The following ESRRG variants were observed in gnomAD, a reference collection of about 807,000 sequenced individuals.
The protein encoded by ESRRG is estrogen-related receptor gamma.
A neutral mutation model predicts 44.0 loss-of-function variants in ESRRG; 13 were observed. The observed-to-expected ratio is 0.30, with a 90% confidence interval of 0.19 to 0.47. ESRRG has a LOEUF of 0.47. Among genes scored for constraint, ESRRG ranks in the 20% least tolerant of loss-of-function variants. The pLI is 1.00. For synonymous variants in ESRRG, 215 were observed against 214.6 expected, an observed-to-expected ratio of 1.00 and a Z score of -0.02; for missense variants, 395 against 580.6, an observed-to-expected ratio of 0.68 and a Z score of 3.29.
chr1:216,530,406 G>C (rs1219055706), intron 5 of ESRRG, among the ~76,000 whole-genome samples: 1 of 151,988 alleles, frequency 6.6e-6, no homozygotes, highest in Non-Finnish European at 1.5e-5. Context: ...GTCTGATTTT[G>C]GATTAAACAC....
At chr1:216,719,292 C>T (rs2152048055) in intron 1 of ESRRG, among the ~76,000 whole-genome samples, 1 of 152,006 alleles carries the variant, frequency 6.6e-6, no homozygotes, top group African/African-American at 2.4e-5. Flanking sequence ...AAATTAATTG[C>T]AAAAGTATGG....
intron 1 of ESRRG, among the ~76,000 whole-genome samples, chr1:217,122,081 C>G (rs1180961215): frequency 6.6e-6 from 1 of 152,182 alleles, no homozygotes; most frequent in African/African-American, 2.4e-5. Context: ...AGCAGATGGG[C>G]CAGATCAATC....
chr1:216,789,977 A>G (rs899119805), intron 2 of ESRRG, among the ~76,000 whole-genome samples: 1 of 152,168 alleles, frequency 6.6e-6, no homozygotes, highest in Admixed American at 6.5e-5. Context: ...CCAATGAATT[A>G]TGAGCAAAAG....
At chr1:216,886,305 C>T (rs1391313450) in intron 2 of ESRRG, among the ~76,000 whole-genome samples, 1 of 152,186 alleles carries the variant, frequency 6.6e-6, no homozygotes, top group Non-Finnish European at 1.5e-5. Context: ...CTGACCAGAG[C>T]TTAAAACAAT....
chr1:216,748,809 G>A (rs1307517438), intron 2 of ESRRG, among the ~76,000 whole-genome samples: 1 of 152,130 alleles, frequency 6.6e-6, no homozygotes, highest in Non-Finnish European at 1.5e-5. Context: ...TCTGAGTGCA[G>A]TGGTTGTCTC....
intron 1 of ESRRG, among the ~76,000 whole-genome samples, chr1:216,716,980 G>A (rs923224931): frequency 1.3e-5 from 2 of 151,702 alleles, no homozygotes; most frequent in Admixed American, 1.3e-4. Context: ...TCATTGTTTT[G>A]CCTCAGTAAG....
chr1:216,949,791 G>A (rs936769692), intron 1 of ESRRG, among the ~76,000 whole-genome samples: 8 of 151,886 alleles, frequency 5.3e-5, no homozygotes, highest in African/African-American at 1.9e-4. Context: ...GTTTAGGGAG[G>A]GGAAAGAACT....
intron 5 of ESRRG, among the ~76,000 whole-genome samples, chr1:216,557,532 A>C (rs113358171): frequency 6.2e-4 from 95 of 152,332 alleles, no homozygotes; most frequent in African/African-American, 2.2e-3. Context: ...AGGTTTACTC[A>C]TCTATAAAGT....
Position 217,038,636 on chromosome 1 carries a change from G to A in ESRRG, c.-106+50871C>T, listed in dbSNP as rs189914455. Among the ~76,000 whole-genome samples, 512 of 152,318 alleles carry A rather than the reference G, an allele frequency of 3.4e-3. 3 individuals are homozygous for A. The highest frequency in any genetic ancestry group is 0.012 in the African/African-American group (482 of 41,576). ...GTCCCTAGGCTGCATAGAGCAGGGGGTTCCCTAGGCTCAGGCCAGGAAGCC... is the reference window on the plus strand; with the variant it reads ...GTCCCTAGGCTGCATAGAGCAGGGGATTCCCTAGGCTCAGGCCAGGAAGCC... On this transcript the variant is annotated intron_variant, in intron 1 of 7. Coordinates refer to the ESRRG transcript ENST00000359162.
At chr1:216,779,540 T>TTATAAATATAAATATAAA (rs2093841791) in intron 2 of ESRRG, among the ~76,000 whole-genome samples, 1 of 78,878 alleles carries the variant, frequency 1.3e-5, no homozygotes, top group African/African-American at 6.2e-5. Context: ...ATATTTATAT[T>TTATAAATATAAATATAAA]TATATATATA....
At chr1:216,563,320 G>A (rs939907687) in intron 5 of ESRRG, among the ~76,000 whole-genome samples, 5 of 152,214 alleles carry the variant, frequency 3.3e-5, no homozygotes, top group Non-Finnish European at 4.4e-5. Flanking sequence ...CTGCGATATC[G>A]CCTGACAGTT....
chr1:217,120,479 AT>A (rs1398104172), intron 1 of ESRRG, among the ~76,000 whole-genome samples: 378 of 151,794 alleles, frequency 2.5e-3, no homozygotes, highest in African/African-American at 8.7e-3. Context: ...AAAAAAAAAA[AT>A]CTGATCATGT....
intron 1 of ESRRG, among the ~76,000 whole-genome samples, chr1:217,132,218 C>T (rs1397402303): frequency 6.6e-6 from 1 of 152,164 alleles, no homozygotes; most frequent in Admixed American, 6.6e-5. Flanking sequence ...TGGTCTCAAA[C>T]TCCCAGAGTC....
intron 1 of ESRRG, among the ~76,000 whole-genome samples, chr1:217,014,660 C>T (rs1434579632): frequency 6.6e-6 from 1 of 152,122 alleles, no homozygotes; most frequent in Non-Finnish European, 1.5e-5. Context: ...CTATAAGCTC[C>T]ATCCTGGTGC....
intron 3 of ESRRG, among the ~76,000 whole-genome samples, chr1:216,645,621 T>G (rs2067373597): frequency 1.3e-5 from 2 of 151,918 alleles, no homozygotes; most frequent in Non-Finnish European, 2.9e-5. Flanking sequence ...CCTGTAATCC[T>G]AGTCCTTTGG....
intron 3 of ESRRG, among the ~76,000 whole-genome samples, chr1:216,588,999 CA>C (rs2057186754): frequency 6.6e-6 from 1 of 152,084 alleles, no homozygotes; most frequent in South Asian, 2.1e-4. Flanking sequence ...AAGCAAATGC[CA>C]AAACTCAGAT....
At chr1:216,522,868 T>A (rs890202242) in intron 5 of ESRRG, among the ~76,000 whole-genome samples, 2 of 152,184 alleles carry the variant, frequency 1.3e-5, no homozygotes, top group African/African-American at 4.8e-5. Context: ...ATCCAAATGA[T>A]AATTACTTGT....
chr1:216,596,360 G>A (rs570224055), intron 3 of ESRRG, among the ~76,000 whole-genome samples: 3 of 152,316 alleles, frequency 2.0e-5, no homozygotes, highest in Non-Finnish European at 4.4e-5. Flanking sequence ...CCACTGCCCA[G>A]CTTCAGAGAT....
intron 2 of ESRRG, among the ~76,000 whole-genome samples, chr1:216,750,760 C>CT (rs34458849): frequency 0.84 from 127,629 of 151,136 alleles, 55,615 homozygotes; most frequent in South Asian, 0.96. Context: ...AGTTATTTAC[C>CT]TTTTTTTAAA....
Sources: allele counts gnomAD v4.1 joint callset (sites outside exome capture counted in the v4.1 genomes callset), GRCh38; gene constraint gnomAD v4.1.1; transcripts MANE v1.5; gene names NCBI Gene and HGNC (gene_info 2026-07-23, HGNC 2026-07-21).